The following ABLIM2 variants were observed in gnomAD, a reference collection of about 807,000 sequenced individuals.
The protein encoded by ABLIM2 is actin-binding LIM protein 2.
In ABLIM2, 53 loss-of-function variants were observed where a neutral mutation model predicts 97.7. That is an observed-to-expected ratio of 0.54 (90% confidence interval 0.44 to 0.68). The LOEUF (loss-of-function observed/expected upper bound fraction) is 0.68, where lower values mean the gene tolerates loss of function less well. ABLIM2 is among the 30% of genes least tolerant of loss of function. ABLIM2 has a pLI of 0.00. For missense variants in ABLIM2, 835 were observed against 867.2 expected (o/e 0.96, Z 0.47); for synonymous variants, 361 against 345.8 (o/e 1.04, Z -0.49).
At chr4:8,131,759 CTGAGCA>C (rs1849441409) in intron 1 of ABLIM2, among the ~76,000 whole-genome samples, 41 of 72,766 alleles carry the variant, frequency 5.6e-4, no homozygotes, top group East Asian at 1.2e-3. Context: ...GCCCGCATCC[CTGAGCA>C]CAGCAGCCCG....
At chr4:8,091,779 A>G (rs182019690) in intron 3 of ABLIM2, among the ~76,000 whole-genome samples, 8,541 of 78,878 alleles carry the variant, frequency 0.11, 531 homozygotes, top group Middle Eastern at 0.2. Context: ...ATGCATTTAT[A>G]TATTAATAAT....
rs557542332 is a variant in ABLIM2, at chr4:8,083,726, C to A, written c.455-2924G>T. Among the ~76,000 whole-genome samples the A allele has an allele frequency of 2.5e-4, 38 of 152,340 alleles. No homozygotes were observed. The South Asian group carries it at 7.5e-3, about 30-fold the overall frequency. On this transcript the variant is annotated intron_variant, in intron 4 of 20. Coordinates refer to ENST00000447017, the MANE Select transcript of ABLIM2 (RefSeq NM_001130083.2). The surrounding 1 kb of genome is among the most constrained non-coding windows in gnomAD (Gnocchi z 4.6). ...GTGTGACACAGGCTGTGGACTAGAG[C>A]TGTCAGCGGCAGGATGTCCCTAGCA...
At position 8,123,890 on chromosome 4, in the gene ABLIM2, G is replaced by A. The variant is rs181433112; in HGVS notation, c.11-17253C>T. Among the ~76,000 whole-genome samples, 1,107 of 152,232 alleles carry A rather than the reference G, an allele frequency of 7.3e-3. 8 individuals are homozygous for A. The highest frequency in any genetic ancestry group is 0.014 in the Middle Eastern group (4 of 294). ...GATCCTTGCTAACCTCTGGAGACACGGTTCCTTTGGGTTCAATGACAAAAA... is the reference window on the plus strand; with the variant it reads ...GATCCTTGCTAACCTCTGGAGACACAGTTCCTTTGGGTTCAATGACAAAAA... On this transcript the variant is annotated intron_variant, in intron 1 of 20. Coordinates refer to ENST00000447017, the MANE Select transcript of ABLIM2 (RefSeq NM_001130083.2). The surrounding 1 kb of genome is among the most constrained non-coding windows in gnomAD (Gnocchi z 6.2).
chr4:8,091,789 T>G (rs1344263861), intron 3 of ABLIM2, among the ~76,000 whole-genome samples: 1 of 89,810 alleles, frequency 1.1e-5, no homozygotes, highest in Non-Finnish European at 1.8e-5. Context: ...ATATTAATAA[T>G]TATAGAATTA....
rs1377984224 is a variant in ABLIM2 at position 8,022,820 on chromosome 4, GGGGATGCTTCAGCATCCTTTAACCT to G, written c.1268-2542_1268-2518del. On this transcript the variant is annotated intron_variant, in intron 12 of 20. Coordinates refer to ENST00000447017, the MANE Select transcript of ABLIM2 (RefSeq NM_001130083.2). The surrounding 1 kb of genome is among the most constrained non-coding windows in gnomAD (Gnocchi z 7.8). Reference sequence around the variant, plus strand: ...AGGGGGCTTCTGATATGCTACAGACGGGGATGCTTCAGCATCCTTTAACCTGGGATGCTGCCTGTTAGGAGAGGAG... The same window carrying G: ...AGGGGGCTTCTGATATGCTACAGACGGGGATGCTGCCTGTTAGGAGAGGAG... 6.6e-6 allele frequency: 1 copy of G among 152,544 alleles called. No individual in the cohort carries two copies. Among genetic ancestry groups the G allele is most frequent in the Non-Finnish European group, 1.5e-5 (1 of 68,174 alleles). 9.4% of individuals were successfully genotyped at this position (152,544 alleles called of 1,614,324 possible). A position where few individuals can be genotyped will look rare whatever the true frequency, so the allele number is the denominator to read the frequency against.
At position 8,127,557 on chromosome 4, in the gene ABLIM2, C is replaced by T; in HGVS notation, c.11-20920G>A. ...AGTTTGGGGATTTACCTGTGTCTCCCCCTGGCACCCCCATGGAGCGTGGCT... is the reference window on the plus strand; with the variant it reads ...AGTTTGGGGATTTACCTGTGTCTCCTCCTGGCACCCCCATGGAGCGTGGCT... On this transcript the variant is annotated intron_variant, in intron 1 of 20. Coordinates refer to ENST00000447017, the MANE Select transcript of ABLIM2 (RefSeq NM_001130083.2). The surrounding 1 kb of genome is among the most constrained non-coding windows in gnomAD (Gnocchi z 7.3). 7.8e-7 allele frequency: 1 copy of T among 1,289,776 alleles called. No individual in the cohort carries two copies. The highest frequency in any genetic ancestry group is 1.0e-6 in the Non-Finnish European group (1 of 988,832). 79.9% of individuals were successfully genotyped at this position (1,289,776 alleles called of 1,614,324 possible).
At chr4:7,981,045 G>A (rs6818752) in intron 20 of ABLIM2, among the ~76,000 whole-genome samples, 24,871 of 148,318 alleles carry the variant, frequency 0.17, 2,588 homozygotes, top group East Asian at 0.5. Flanking sequence ...CCAGGTTCAC[G>A]CCATTCTCCT....
At chr4:8,057,068 CT>C (rs1450515629) in intron 7 of ABLIM2, among the ~76,000 whole-genome samples, 1 of 143,268 alleles carries the variant, frequency 7.0e-6, no homozygotes, top group African/African-American at 2.6e-5. Flanking sequence ...CCTGATCTTT[CT>C]TTTTTCTTTC....
At position 8,054,456 on chromosome 4, in the gene ABLIM2, C is replaced by T. The variant is rs1386170663; in HGVS notation, c.764-210G>A. Among the ~76,000 whole-genome samples, 2 of 152,224 alleles carry T rather than the reference C, an allele frequency of 1.3e-5. No individual in the cohort carries two copies. The highest frequency in any genetic ancestry group is 2.9e-5 in the Non-Finnish European group (2 of 68,042). ...GTCCCCGCCCCTCAGGGGCTCACAG[C>T]CCAGTTGTGGGACGGAGGCAGCAAA... On this transcript the variant is annotated intron_variant, in intron 7 of 20. Coordinates refer to ENST00000447017, the MANE Select transcript of ABLIM2 (RefSeq NM_001130083.2). The surrounding 1 kb of genome is among the most constrained non-coding windows in gnomAD (Gnocchi z 4.9).
At chr4:7,988,968 T>C (rs1205479961) in intron 17 of ABLIM2, among the ~76,000 whole-genome samples, 1 of 152,102 alleles carries the variant, frequency 6.6e-6, no homozygotes, top group Admixed American at 6.5e-5. Flanking sequence ...TGTGAAAATC[T>C]CATTCAAGAG....
intron 9 of ABLIM2, among the ~76,000 whole-genome samples, chr4:8,042,899 C>A (rs1181396781): frequency 6.6e-6 from 1 of 151,384 alleles, no homozygotes; most frequent in African/African-American, 2.4e-5. Flanking sequence ...ACCTATAATC[C>A]CAGCACTTTG....
chr4:8,011,897 C>T (rs980763134), intron 14 of ABLIM2, among the ~76,000 whole-genome samples: 2 of 152,196 alleles, frequency 1.3e-5, no homozygotes, highest in African/African-American at 2.4e-5. Context: ...TTTCCTCCTT[C>T]CCAAACCCCA....
chr4:7,997,800 G>C (rs1237433670), intron 16 of ABLIM2, among the ~76,000 whole-genome samples: 1 of 151,962 alleles, frequency 6.6e-6, no homozygotes, highest in African/African-American at 2.4e-5. Context: ...GCATTTTTTA[G>C]TGATAAATGC....
rs572937663 is a variant in ABLIM2 at position 8,124,848 on chromosome 4, C to A, written c.11-18211G>T. ...GGAACAGTCAGACTATTTTCCACAC[C>A]GGGTTCTGATTTCTACGCATCCCCA... On this transcript the variant is annotated intron_variant, in intron 1 of 20. Transcript: ENST00000447017. The surrounding 1 kb of genome is among the most constrained non-coding windows in gnomAD (Gnocchi z 6.1). Among the ~76,000 whole-genome samples the A allele has an allele frequency of 6.6e-6, 1 of 152,026 alleles. No homozygotes were observed. The highest frequency in any genetic ancestry group is 2.4e-5 in the African/African-American group (1 of 41,360).
intron 1 of ABLIM2, among the ~76,000 whole-genome samples, chr4:8,126,959 G>A (rs968873596): frequency 3.3e-5 from 5 of 151,942 alleles, no homozygotes; most frequent in Non-Finnish European, 5.9e-5. Flanking sequence ...TCAGCTACCC[G>A]GGAGGCTGAG....
chr4:8,020,166 G>A, intron 13 of ABLIM2, 36 bp downstream of exon 13: 2 of 1,588,436 alleles, frequency 1.3e-6, no homozygotes, highest in Non-Finnish European at 1.7e-6. Context: ...GACAGTTTCA[G>A]TGTAAGGAGC....
chr4:8,041,252 T>C (rs750607263), intron 9 of ABLIM2: 1 of 152,236 alleles, frequency 6.6e-6, no homozygotes, highest in Non-Finnish European at 1.5e-5. Flanking sequence ...CCCCGATCTC[T>C]CCTGTGGACG....
At chr4:8,052,891 T>C (rs1420321165) in intron 8 of ABLIM2, among the ~76,000 whole-genome samples, 3 of 152,190 alleles carry the variant, frequency 2.0e-5, no homozygotes, top group Non-Finnish European at 4.4e-5. Context: ...CTTGGTGGAA[T>C]GGATGAGGTC....
At chr4:7,974,306 T>TCCAC (rs1730810491) in intron 20 of ABLIM2, among the ~76,000 whole-genome samples, 1 of 143,922 alleles carries the variant, frequency 6.9e-6, no homozygotes, top group Non-Finnish European at 1.5e-5. Flanking sequence ...CATCCACCCA[T>TCCAC]CCACCAATCC....
Sources: allele counts gnomAD v4.1 joint callset (sites outside exome capture counted in the v4.1 genomes callset), GRCh38; gene constraint gnomAD v4.1.1; non-coding constraint Gnocchi (gnomAD v3.1); transcripts MANE v1.5; gene names NCBI Gene and HGNC (gene_info 2026-07-23, HGNC 2026-07-21).